Variants in PVALEF observed in about 807,000 individuals in gnomAD.
PVALEF encodes parvalbumin-like EF-hand-containing protein.
PVALEF carries 2 observed loss-of-function variants against 1.2 expected under a neutral mutation model. The observed-to-expected ratio is 1.68, with a 90% CI of 0.69 to 5.28. The LOEUF is 5.28. PVALEF is among the 30% of genes most tolerant of loss of function. The probability of loss-of-function intolerance (pLI) is 0.06; values close to 1 mark genes in which losing one functional copy is unlikely to be tolerated. For missense variants in PVALEF, 35 were observed against 17.7 expected, an observed-to-expected ratio of 1.97 and a Z score of -1.75; for synonymous variants, 16 against 6.5, an observed-to-expected ratio of 2.47 and a Z score of -2.24.
At chr17:81,180,616 A>G (rs1185702066) in intron 3 of PVALEF, among the ~76,000 whole-genome samples, 1 of 152,044 alleles carries the variant, frequency 6.6e-6, no homozygotes, top group African/African-American at 2.4e-5. Context: ...CCCACATCAC[A>G]TGGCAGCTGG....
intron 2 of PVALEF, among the ~76,000 whole-genome samples, chr17:81,173,514 A>G (rs1460037525): frequency 6.6e-6 from 1 of 152,200 alleles, no homozygotes; most frequent in Non-Finnish European, 1.5e-5. Context: ...CCAAGCTCAC[A>G]GCTGGAAAGC....
chr17:81,178,793 A>G lies in PVALEF; in HGVS notation c.-339-125A>G, dbSNP rs111951989. ...GGCCCGAGGCGTGGGTTCCAGCACC[A>G]TGACCTTGGGCAGGTCCCTCAGCCC... On this transcript the variant is annotated intron_variant, in intron 2 of 6. Coordinates refer to ENST00000637878, the MANE Select transcript of PVALEF (RefSeq NM_001354639.2). 7.6e-3 allele frequency: 1,437 copies of G among 189,256 alleles called. 26 individuals are homozygous for G. The highest frequency in any genetic ancestry group is 0.032 in the African/African-American group (1,365 of 42,262). 11.7% of individuals were successfully genotyped at this position (189,256 alleles called of 1,614,324 possible).
At chr17:81,173,010 G>T (rs989975489) in intron 2 of PVALEF, among the ~76,000 whole-genome samples, 3 of 152,168 alleles carry the variant, frequency 2.0e-5, no homozygotes, top group Non-Finnish European at 4.4e-5. Flanking sequence ...CGTTATTGGG[G>T]TATCAGGAAA....
intron 3 of PVALEF, 58 bp downstream of exon 3, chr17:81,179,210 G>A: frequency 7.1e-6 from 2 of 281,574 alleles, no homozygotes; most frequent in South Asian, 5.5e-5. Context: ...ATCCGAGCTG[G>A]ATGGTGGGAA....
In PVALEF at chr17:81,181,660, G is replaced by A; in HGVS notation, c.208G>A (p.Asp70Asn). Residue 70 changes from aspartate to asparagine, a missense_variant, in exon 5 of 7, where the codon GAC (aspartate) becomes AAC (asparagine). Coordinates refer to ENST00000637878, the MANE Select transcript of PVALEF (RefSeq NM_001354639.2). Reference sequence around the variant, plus strand: ...CACGGCCTTCCAGTCCCTGGACAAGGACAAGAGTGGCTTCATTGAGTGGAA... The same window carrying A: ...CACGGCCTTCCAGTCCCTGGACAAGAACAAGAGTGGCTTCATTGAGTGGAA... ...IHTAFQSLDK[D>N]KSGFIEWNEI... The A allele has an allele frequency of 2.5e-6, 1 of 408,096 alleles. No individual in the cohort carries two copies. Among genetic ancestry groups the A allele is most frequent in the Non-Finnish European group, 4.3e-6 (1 of 232,512 alleles). The allele number at this position is 408,096 out of a possible 1,614,324, so 25.3% of individuals were successfully genotyped here. A position where few individuals can be genotyped will look rare whatever the true frequency, so the allele number is the denominator to read the frequency against.
At chr17:81,168,082 C>T (rs991793032) in intron 2 of PVALEF, among the ~76,000 whole-genome samples, 7 of 152,214 alleles carry the variant, frequency 4.6e-5, no homozygotes, top group Non-Finnish European at 1.0e-4. Context: ...GGAGGGAGTG[C>T]CCTCCTCTGC....
At chr17:81,181,727 C>T (rs2061554923) in intron 5 of PVALEF, 33 bp downstream of exon 5, 2 of 399,646 alleles carry the variant, frequency 5.0e-6, no homozygotes, top group Admixed American at 4.4e-5. Context: ...GGGTGGGGCC[C>T]AGGCCACCCA....
chr17:81,173,104 C>G (rs2061526095), intron 2 of PVALEF, among the ~76,000 whole-genome samples: 1 of 152,180 alleles, frequency 6.6e-6, no homozygotes, highest in South Asian at 2.1e-4. Flanking sequence ...TGGTCTCACC[C>G]TGGTGACAGC....
chr17:81,179,055 T>C lies in PVALEF; in HGVS notation c.-202T>C, dbSNP rs1363362963. On this transcript the variant is annotated 5_prime_UTR_variant, in exon 3 of 7. An upstream start codon of the reference 5' UTR is lost. Coordinates refer to ENST00000637878, the MANE Select transcript of PVALEF (RefSeq NM_001354639.2). Reference sequence around the variant, plus strand: ...GGCGAGGACAGCTGCAGCCCCGAGATGTAAACAGGCTTGCAGGTATAAAAG... The same window carrying C: ...GGCGAGGACAGCTGCAGCCCCGAGACGTAAACAGGCTTGCAGGTATAAAAG... 2.2e-6 allele frequency: 1 copy of C among 454,420 alleles called. No individual in the cohort carries two copies. Among genetic ancestry groups the C allele is most frequent in the Non-Finnish European group, 4.4e-6 (1 of 225,164 alleles). The allele number at this position is 454,420 out of a possible 1,614,324, so 28.1% of individuals were successfully genotyped here.
intron 2 of PVALEF, among the ~76,000 whole-genome samples, chr17:81,173,412 G>A (rs928325316): frequency 2.6e-5 from 4 of 152,244 alleles, no homozygotes; most frequent in East Asian, 3.9e-4. Context: ...ATGGACCCTC[G>A]CATTCTCCCC....
chr17:81,173,313 G>A (rs550697995), intron 2 of PVALEF, among the ~76,000 whole-genome samples: 1 of 152,182 alleles, frequency 6.6e-6, no homozygotes, highest in East Asian at 1.9e-4. Context: ...GAGGAAGCCA[G>A]GTTGTCTGGT....
chr17:81,181,451 G>T (rs964132422), intron 4 of PVALEF, 108 bp from the exon 5 acceptor site: 2 of 517,508 alleles, frequency 3.9e-6, no homozygotes, highest in Non-Finnish European at 6.8e-6. Flanking sequence ...GGCGGGCGGG[G>T]ACATGGGGGT....
intron 2 of PVALEF, among the ~76,000 whole-genome samples, chr17:81,173,237 C>T (rs1236437772): frequency 6.6e-6 from 1 of 152,184 alleles, no homozygotes; most frequent in Non-Finnish European, 1.5e-5. Context: ...ATGAGCCGGG[C>T]CCTGGCATGG....
chr17:81,166,879 G>A (rs1358108461), intron 2 of PVALEF, 35 bp downstream of exon 2: 5 of 355,038 alleles, frequency 1.4e-5, no homozygotes, highest in South Asian at 9.8e-5. Flanking sequence ...GGGCGCTGAG[G>A]GGCCATCCCT....
chr17:81,166,268 G>T (rs1373877479), intron 1 of PVALEF, among the ~76,000 whole-genome samples: 4 of 125,692 alleles, frequency 3.2e-5, no homozygotes, highest in Non-Finnish European at 7.0e-5. Flanking sequence ...GGGAGGGGGG[G>T]GCCCTCCGCG....
rs146382680 is a variant in PVALEF at position 81,173,880 on chromosome 17, A to G, written c.-339-5038A>G. Among the ~76,000 whole-genome samples, 689 of 152,320 alleles carry G rather than the reference A, an allele frequency of 4.5e-3. 8 individuals are homozygous for G. Among genetic ancestry groups the G allele is most frequent in the Non-Finnish European group, 7.5e-3 (511 of 68,024 alleles). On this transcript the variant is annotated intron_variant, in intron 2 of 6. Transcript: ENST00000637878. ...AAGTACAGGCCAATATCTCTCATGAACACAGATTCAAAAATCCTCAGCCAA... is the reference window on the plus strand; with the variant it reads ...AAGTACAGGCCAATATCTCTCATGAGCACAGATTCAAAAATCCTCAGCCAA...
intron 2 of PVALEF, among the ~76,000 whole-genome samples, chr17:81,170,366 C>CGT (rs935220079): frequency 3.3e-5 from 5 of 151,184 alleles, no homozygotes; most frequent in Admixed American, 6.6e-5. Flanking sequence ...TGTGTCTGTG[C>CGT]GTGTGTGTGT....
chr17:81,183,154 A>C lies in PVALEF; in HGVS notation c.*143A>C, dbSNP rs951871801. 2.6e-6 allele frequency: 1 copy of C among 390,918 alleles called. No individual in the cohort carries two copies. The highest frequency in any genetic ancestry group is 2.1e-5 in the African/African-American group (1 of 48,308). The allele number at this position is 390,918 out of a possible 1,614,324, so 24.2% of individuals were successfully genotyped here. A position where few individuals can be genotyped will look rare whatever the true frequency, so the allele number is the denominator to read the frequency against. On this transcript the variant is annotated 3_prime_UTR_variant, in exon 7 of 7. Coordinates refer to ENST00000637878, the MANE Select transcript of PVALEF (RefSeq NM_001354639.2). ...TTTTGAAGGAAAATGGAAGAAAAGC[A>C]GCATTAAGTGAATGACGCAGCCTGG...
intron 2 of PVALEF, among the ~76,000 whole-genome samples, chr17:81,170,320 GGT>G (rs2061516497): frequency 7.4e-6 from 1 of 135,770 alleles, no homozygotes; most frequent in Non-Finnish European, 1.6e-5. Context: ...GGTATGTAGG[GGT>G]GTGTGCATGT....
Sources: gnomAD v4.1 joint callset for allele counts (sites outside exome capture counted in the v4.1 genomes callset) on GRCh38, gnomAD v4.1.1 for gene constraint, MANE v1.5 for transcripts, NCBI Gene and HGNC (gene_info 2026-07-23, HGNC 2026-07-21) for gene names.